Variants in ROBO2 observed in about 807,000 individuals in gnomAD.
The protein encoded by ROBO2 is roundabout guidance receptor 2.
ROBO2 carries 53 observed loss-of-function variants against 160.8 expected under a neutral mutation model. The observed-to-expected ratio is 0.33, with a 90% confidence interval of 0.26 to 0.41. The LOEUF (loss-of-function observed/expected upper bound fraction) is 0.41, where lower values mean the gene tolerates loss of function less well. Ranked by LOEUF, ROBO2 falls within the 10% of genes least tolerant of loss-of-function variation. The pLI is 1.00. For synonymous variants in ROBO2, 664 were observed against 611.7 expected (o/e 1.09, Z -1.26); for missense variants, 1,577 against 1,722.4 (o/e 0.92, Z 1.49).
intron 2 of ROBO2, among the ~76,000 whole-genome samples, chr3:76,357,882 C>T (rs1051579531): frequency 2.1e-5 from 3 of 145,500 alleles, no homozygotes; most frequent in African/African-American, 8.1e-5. Flanking sequence ...AAAATTATAT[C>T]TAAACTTTAA....
At chr3:77,232,301 T>G (rs2087322099) in intron 2 of ROBO2, among the ~76,000 whole-genome samples, 1 of 152,154 alleles carries the variant, frequency 6.6e-6, no homozygotes, top group Non-Finnish European at 1.5e-5. Context: ...GCTGGAGTGG[T>G]CAGGAATTTC....
intron 2 of ROBO2, among the ~76,000 whole-genome samples, chr3:76,812,415 C>A (rs1390589622): frequency 2.0e-5 from 3 of 146,934 alleles, no homozygotes; most frequent in Non-Finnish European, 4.4e-5. Context: ...ATTTGAGCAT[C>A]GCAGCCCTTA....
chr3:77,107,020 C>T (rs62251784), intron 2 of ROBO2, among the ~76,000 whole-genome samples: 20,822 of 152,108 alleles, frequency 0.14, 1,841 homozygotes, highest in East Asian at 0.28. Flanking sequence ...ATACCATAAA[C>T]TGGGTAGCTT....
At chr3:76,126,930 C>T (rs902390980) in intron 2 of ROBO2, among the ~76,000 whole-genome samples, 1 of 152,102 alleles carries the variant, frequency 6.6e-6, no homozygotes, top group Admixed American at 6.5e-5. Context: ...GACTGAGTTT[C>T]TGCTTAATAT....
intron 2 of ROBO2, among the ~76,000 whole-genome samples, chr3:77,371,963 G>T (rs780408364): frequency 6.6e-5 from 10 of 152,112 alleles, no homozygotes; most frequent in Non-Finnish European, 1.0e-4. Context: ...ATATTTTCTG[G>T]TCAGTTTCCA....
intron 2 of ROBO2, among the ~76,000 whole-genome samples, chr3:75,942,091 C>G (rs1948084049): frequency 6.6e-6 from 1 of 152,006 alleles, no homozygotes; most frequent in African/African-American, 2.4e-5. Flanking sequence ...TTGTATAATT[C>G]TTTTGAGAGC....
intron 2 of ROBO2, among the ~76,000 whole-genome samples, chr3:76,854,030 CT>C (rs2069731607): frequency 3.3e-5 from 2 of 61,066 alleles, no homozygotes; most frequent in Admixed American, 3.1e-4. Flanking sequence ...CTCTCTCTCT[CT>C]CTCTCTCTCT....
At chr3:76,542,736 A>G (rs1379436197) in intron 2 of ROBO2, among the ~76,000 whole-genome samples, 1 of 152,030 alleles carries the variant, frequency 6.6e-6, no homozygotes, top group African/African-American at 2.4e-5. Flanking sequence ...ACTTAACTGC[A>G]CCCACTTACT....
chr3:76,493,177 T>A (rs2079929571), intron 2 of ROBO2, among the ~76,000 whole-genome samples: 1 of 151,660 alleles, frequency 6.6e-6, no homozygotes, highest in African/African-American at 2.4e-5. Context: ...CCATCGCACT[T>A]TCTTAGCCTC....
intron 1 of ROBO2, among the ~76,000 whole-genome samples, chr3:77,066,846 A>C (rs952615861): frequency 2.0e-5 from 3 of 152,158 alleles, no homozygotes; most frequent in African/African-American, 7.2e-5. Context: ...TCCAAAGAAA[A>C]GAAACAGACA....
chr3:77,040,189 T>G (rs2063953699), exon 1 of ROBO2: 1 of 986,246 alleles, frequency 1.0e-6, no homozygotes, highest in Non-Finnish European at 1.2e-6. Flanking sequence ...GCAACACCGC[T>G]GCAAAGGAGA....
chr3:76,203,409 G>C (rs2107267693), intron 2 of ROBO2, among the ~76,000 whole-genome samples: 1 of 151,750 alleles, frequency 6.6e-6, no homozygotes, highest in Non-Finnish European at 1.5e-5. Context: ...ATTGCCTCAG[G>C]CTCTCGGCTT....
At chr3:76,560,933 GATATAT>G (rs10581875) in intron 2 of ROBO2, among the ~76,000 whole-genome samples, 11,943 of 127,780 alleles carry the variant, frequency 0.093, 610 homozygotes, top group Non-Finnish European at 0.11. Context: ...TAAGAAGTAA[GATATAT>G]ATATATATAT....
At chr3:76,171,756 G>T (rs910669326) in intron 2 of ROBO2, among the ~76,000 whole-genome samples, 1 of 151,986 alleles carries the variant, frequency 6.6e-6, no homozygotes, top group Admixed American at 6.6e-5. Context: ...AGGGTGGGGA[G>T]AAAATTATTA....
intron 2 of ROBO2, among the ~76,000 whole-genome samples, chr3:76,591,456 T>C (rs1371485372): frequency 6.6e-6 from 1 of 152,148 alleles, no homozygotes; most frequent in Admixed American, 6.5e-5. Context: ...AAGCCATAGA[T>C]ACTTCTAATA....
chr3:76,172,349 G>A (rs894268362), intron 2 of ROBO2, among the ~76,000 whole-genome samples: 19 of 150,794 alleles, frequency 1.3e-4, no homozygotes, highest in African/African-American at 4.6e-4. Flanking sequence ...GTTAATGGGT[G>A]CAGCGCATCA....
At chr3:77,453,508 A>T (rs2081318569) in intron 2 of ROBO2, among the ~76,000 whole-genome samples, 1 of 152,110 alleles carries the variant, frequency 6.6e-6, no homozygotes, top group Non-Finnish European at 1.5e-5. Flanking sequence ...GTTAAAAGGA[A>T]TTGTAGATAA....
chr3:76,875,521 G>A (rs533797685), intron 2 of ROBO2, among the ~76,000 whole-genome samples: 1 of 152,230 alleles, frequency 6.6e-6, no homozygotes, highest in South Asian at 2.1e-4. Context: ...CAACAAAGTG[G>A]CATTCGTCTT....
Position 77,277,209 on chromosome 3 carries a change from TTTC to T in ROBO2, c.388+178875_388+178877del, listed in dbSNP as rs761979339. On this transcript the variant is annotated intron_variant, in intron 2 of 25. Transcript: ENST00000461745. ...CTTTCTTTCTTTCTTTCTTTCTTTC[TTTC>T]TTCTTTCTTTCTTTCTTGTCTTTCT... Among the ~76,000 whole-genome samples, 222 of 117,762 alleles carry T rather than the reference TTTC, an allele frequency of 1.9e-3. 1 individual carries two copies. The highest frequency in any genetic ancestry group is 3.1e-3 in the Non-Finnish European group (163 of 53,412). 77.3% of individuals were successfully genotyped at this position (117,762 alleles called of 152,430 possible).
Sources: allele counts gnomAD v4.1 joint callset (sites outside exome capture counted in the v4.1 genomes callset), GRCh38; gene constraint gnomAD v4.1.1; transcripts MANE v1.5; gene names NCBI Gene and HGNC (gene_info 2026-07-23, HGNC 2026-07-21).